Variants in PDE4B observed in about 807,000 individuals in gnomAD.
PDE4B encodes phosphodiesterase 4B.
Under a neutral mutation model 82.2 loss-of-function variants are expected in PDE4B, and 20 were observed. The ratio of observed to expected loss-of-function variants is 0.24; its 90% CI spans 0.17 to 0.35. PDE4B has a LOEUF of 0.35. Among genes scored for constraint, PDE4B ranks in the 10% least tolerant of loss-of-function variants. PDE4B has a pLI of 1.00. For missense variants in PDE4B, 655 were observed against 907.2 expected (o/e 0.72, Z 3.57); for synonymous variants, 320 against 318.9 (o/e 1.00, Z -0.04).
chr1:66,188,689 A>C (rs1340123282), intron 3 of PDE4B, among the ~76,000 whole-genome samples: 1 of 151,648 alleles, frequency 6.6e-6, no homozygotes, highest in Non-Finnish European at 1.5e-5. Flanking sequence ...TTTGCTTGGT[A>C]GATCTTCCTC....
chr1:66,109,235 T>G (rs1177162803), intron 3 of PDE4B, among the ~76,000 whole-genome samples: 1 of 151,998 alleles, frequency 6.6e-6, no homozygotes, highest in Non-Finnish European at 1.5e-5. Flanking sequence ...TTTACCAAAT[T>G]ATAAGTAAGA....
intron 3 of PDE4B, among the ~76,000 whole-genome samples, chr1:66,204,883 G>A (rs1649416826): frequency 6.6e-6 from 1 of 152,218 alleles, no homozygotes; most frequent in Non-Finnish European, 1.5e-5. Flanking sequence ...ACTCCCTAGT[G>A]AGATGAACCC....
intron 3 of PDE4B, among the ~76,000 whole-genome samples, chr1:66,106,596 ATT>A (rs1179710999): frequency 6.6e-6 from 1 of 151,192 alleles, no homozygotes; most frequent in Non-Finnish European, 1.5e-5. Flanking sequence ...TAAGCTATTG[ATT>A]ATTGCCACAA....
intron 3 of PDE4B, among the ~76,000 whole-genome samples, chr1:66,241,927 A>G (rs1384182773): frequency 6.6e-6 from 1 of 152,204 alleles, no homozygotes; most frequent in Non-Finnish European, 1.5e-5. Context: ...AGATGCGAGA[A>G]AAAACTATAA....
At chr1:66,336,095 A>T (rs117305178) in intron 8 of PDE4B, among the ~76,000 whole-genome samples, 1 of 152,224 alleles carries the variant, frequency 6.6e-6, no homozygotes, top group African/African-American at 2.4e-5. Context: ...ACAACGGCAT[A>T]AACAGTGACC....
chr1:65,999,420 G>C (rs1297647251), intron 3 of PDE4B, among the ~76,000 whole-genome samples: 1 of 152,130 alleles, frequency 6.6e-6, no homozygotes, highest in Non-Finnish European at 1.5e-5. Context: ...CCTGCTTTCT[G>C]TTGTTCAGCA....
In PDE4B at chr1:65,934,054, G is replaced by C. The variant is rs1647985230; in HGVS notation, c.281+15219G>C. On this transcript the variant is annotated intron_variant, in intron 3 of 16. Coordinates refer to ENST00000341517, the MANE Select transcript of PDE4B (RefSeq NM_002600.4). The stretch of plus-strand genomic sequence containing the variant: ...ATAGACTATTTTAAATAAATTATAA[G>C]ATAGACTAATAGATATTTTATGTAA... Among the ~76,000 whole-genome samples, 4 of 152,082 alleles carry C rather than the reference G, an allele frequency of 2.6e-5. No individual in the cohort carries two copies. In the South Asian group the frequency reaches 8.3e-4, roughly 31 times the overall value.
intron 3 of PDE4B, among the ~76,000 whole-genome samples, chr1:66,116,757 G>T (rs1005312065): frequency 1.3e-5 from 2 of 152,128 alleles, no homozygotes; most frequent in African/African-American, 4.8e-5. Flanking sequence ...TAGAGATGGG[G>T]TTTTGCCATG....
chr1:66,354,408 T>C (rs975650409), intron 8 of PDE4B: 7 of 987,058 alleles, frequency 7.1e-6, no homozygotes, highest in African/African-American at 3.5e-5. Context: ...TTTTAAAAGA[T>C]GGCTGTGTTT....
intron 3 of PDE4B, among the ~76,000 whole-genome samples, chr1:66,197,085 A>T (rs1648381944): frequency 2.0e-5 from 3 of 152,110 alleles, no homozygotes; most frequent in South Asian, 4.1e-4. Flanking sequence ...AATTTCAGAG[A>T]TTGAAGTCTG....
chr1:65,979,435 T>G (rs1269626732), intron 3 of PDE4B, among the ~76,000 whole-genome samples: 3 of 152,218 alleles, frequency 2.0e-5, no homozygotes, highest in Non-Finnish European at 4.4e-5. Flanking sequence ...CTGCTTTGCC[T>G]TCTGTCTAGT....
At chr1:65,810,423 C>A (rs1363954382) in intron 1 of PDE4B, among the ~76,000 whole-genome samples, 1 of 152,120 alleles carries the variant, frequency 6.6e-6, no homozygotes, top group Non-Finnish European at 1.5e-5. Flanking sequence ...AAACATTAAG[C>A]CTCAGCCAAG....
At chr1:66,127,604 T>C (rs1314269965) in intron 3 of PDE4B, among the ~76,000 whole-genome samples, 2 of 152,266 alleles carry the variant, frequency 1.3e-5, no homozygotes, top group East Asian at 3.9e-4. Flanking sequence ...CCACCTCTGT[T>C]TACATTACCC....
chr1:66,153,894 C>T (rs969584828), intron 3 of PDE4B, among the ~76,000 whole-genome samples: 2 of 152,274 alleles, frequency 1.3e-5, no homozygotes, highest in Middle Eastern at 3.4e-3. Flanking sequence ...CAAGGAGGTT[C>T]GCTGATCCAA....
chr1:65,856,868 C>G (rs779524306), intron 1 of PDE4B, among the ~76,000 whole-genome samples: 8 of 152,274 alleles, frequency 5.3e-5, no homozygotes, highest in Admixed American at 3.3e-4. Context: ...AGTCTTAACA[C>G]TGGCAGTCCC....
chr1:65,902,649 A>G (rs1291011773), intron 1 of PDE4B, among the ~76,000 whole-genome samples: 1 of 152,150 alleles, frequency 6.6e-6, no homozygotes, highest in African/African-American at 2.4e-5. Context: ...GTCCTTGAGG[A>G]CAGAAGTCAT....
intron 3 of PDE4B, among the ~76,000 whole-genome samples, chr1:66,029,042 T>C (rs1216113431): frequency 6.6e-6 from 1 of 152,176 alleles, no homozygotes; most frequent in Non-Finnish European, 1.5e-5. Flanking sequence ...ATTTACTGTA[T>C]TAGTCCTTTT....
At chr1:65,986,122 G>A (rs1377733523) in intron 3 of PDE4B, among the ~76,000 whole-genome samples, 1 of 152,166 alleles carries the variant, frequency 6.6e-6, no homozygotes, top group East Asian at 1.9e-4. Flanking sequence ...AGCAGGGCAT[G>A]ATTTGACGTG....
At chr1:66,047,638 C>T (rs932119863) in intron 3 of PDE4B, among the ~76,000 whole-genome samples, 2 of 151,910 alleles carry the variant, frequency 1.3e-5, no homozygotes, top group African/African-American at 2.4e-5. Flanking sequence ...TATAGTTTTT[C>T]ATGCTTTAGA....
Sources: gnomAD v4.1 joint callset for allele counts (sites outside exome capture counted in the v4.1 genomes callset) on GRCh38, gnomAD v4.1.1 for gene constraint, MANE v1.5 for transcripts, NCBI Gene and HGNC (gene_info 2026-07-23, HGNC 2026-07-21) for gene names.